The following GRIP1 variants were observed in gnomAD, a reference collection of about 807,000 sequenced individuals.
The protein encoded by GRIP1 is glutamate receptor interacting protein 1, also known as glutamate receptor-interacting protein 1.
Under a neutral mutation model 129.9 loss-of-function variants are expected in GRIP1, and 45 were observed. The ratio of observed to expected loss-of-function variants is 0.35; its 90% CI spans 0.27 to 0.44. The LOEUF is 0.44. GRIP1 is among the 20% of genes least tolerant of loss of function. GRIP1 has a pLI of 1.00. For synonymous variants in GRIP1, 530 were observed against 520.8 expected, an observed-to-expected ratio of 1.02 and a Z score of -0.24; for missense variants, 1,196 against 1,396.8, an observed-to-expected ratio of 0.86 and a Z score of 2.29.
chr12:66,642,337 T>C (rs1265873961), intron 1 of GRIP1, among the ~76,000 whole-genome samples: 4 of 152,114 alleles, frequency 2.6e-5, no homozygotes, highest in South Asian at 4.1e-4. Context: ...GGAGGCACCA[T>C]GTGCCTGGTG....
intron 1 of GRIP1, among the ~76,000 whole-genome samples, chr12:66,615,990 T>C (rs887310787): frequency 1.3e-5 from 2 of 152,196 alleles, no homozygotes; most frequent in Non-Finnish European, 1.5e-5. Flanking sequence ...CATTCAAACG[T>C]AGAAGGCCTT....
chr12:66,593,217 C>T (rs1356543245), intron 2 of GRIP1, among the ~76,000 whole-genome samples: 3 of 152,062 alleles, frequency 2.0e-5, no homozygotes, highest in Non-Finnish European at 4.4e-5. Context: ...CGAAAGCAAA[C>T]GCATTTTGCT....
chr12:66,708,829 G>A (rs961985288), intron 1 of GRIP1, among the ~76,000 whole-genome samples: 1 of 151,314 alleles, frequency 6.6e-6, no homozygotes, highest in Non-Finnish European at 1.5e-5. Context: ...CTTTTTCTTT[G>A]AATGCCCTCA....
At chr12:66,551,508 C>T (rs927329223) in intron 2 of GRIP1, among the ~76,000 whole-genome samples, 1 of 149,968 alleles carries the variant, frequency 6.7e-6, no homozygotes, top group African/African-American at 2.5e-5. Context: ...AATTAATGAG[C>T]TATTTTTGGG....
Position 67,049,910 on chromosome 12 carries a change from T to TAAA in GRIP1, c.58+19137_58+19139dup, listed in dbSNP as rs140624900. 7.5e-3 allele frequency among the ~76,000 whole-genome samples: 1,119 copies of TAAA among 150,184 alleles called. 5 individuals carry two copies. The highest frequency in any genetic ancestry group is 9.8e-3 in the Non-Finnish European group (661 of 67,696). On this transcript the variant is annotated intron_variant, in intron 1 of 1. Coordinates refer to the GRIP1 transcript ENST00000643019. ...ATTTGTCAAATTAATAAATAATTGG[T>TAAA]AAAAAAAAGTTGTTTTGTTTTAATT...
At chr12:66,578,541 G>A (rs1314682527) in intron 2 of GRIP1, among the ~76,000 whole-genome samples, 2 of 152,136 alleles carry the variant, frequency 1.3e-5, no homozygotes, top group Admixed American at 1.3e-4. Flanking sequence ...GGAAAATCGG[G>A]TCACTCCCAC....
At chr12:66,470,241 C>A (rs796891069) in intron 7 of GRIP1, among the ~76,000 whole-genome samples, 10 of 152,304 alleles carry the variant, frequency 6.6e-5, no homozygotes, top group African/African-American at 2.4e-4. Context: ...ACATGGTCTA[C>A]AAGGACCTGC....
chr12:66,479,699 G>A (rs1020987971), intron 7 of GRIP1, among the ~76,000 whole-genome samples: 1 of 152,124 alleles, frequency 6.6e-6, no homozygotes, highest in Admixed American at 6.6e-5. Flanking sequence ...TAATACAGCA[G>A]CACATCAAAA....
chr12:66,703,036 T>C (rs2035404581), intron 1 of GRIP1, among the ~76,000 whole-genome samples: 1 of 152,178 alleles, frequency 6.6e-6, no homozygotes, highest in East Asian at 1.9e-4. Context: ...GTCACTGCAG[T>C]GTTGGGACTT....
intron 5 of GRIP1, among the ~76,000 whole-genome samples, chr12:66,523,184 C>A (rs1005612848): frequency 6.6e-6 from 1 of 151,204 alleles, no homozygotes; most frequent in Non-Finnish European, 1.5e-5. Context: ...GAGAACACCA[C>A]AAAGATACTC....
At chr12:67,067,246 A>G (rs1163714864) in intron 1 of GRIP1, among the ~76,000 whole-genome samples, 1 of 152,190 alleles carries the variant, frequency 6.6e-6, no homozygotes, top group Non-Finnish European at 1.5e-5. Context: ...TCATCTTTCA[A>G]TGTTACCATA....
At chr12:66,528,628 G>T (rs2061343751) in intron 5 of GRIP1, among the ~76,000 whole-genome samples, 1 of 152,140 alleles carries the variant, frequency 6.6e-6, no homozygotes, top group South Asian at 2.1e-4. Flanking sequence ...CTTAATCCTA[G>T]TGTATTAAAT....
intron 1 of GRIP1, among the ~76,000 whole-genome samples, chr12:66,839,575 T>C (rs187402622): frequency 6.6e-6 from 1 of 152,292 alleles, no homozygotes; most frequent in Non-Finnish European, 1.5e-5. Context: ...CTCAGTCAAC[T>C]GAGTTTCGGC....
At chr12:66,504,977 T>C (rs1000356831) in intron 7 of GRIP1, among the ~76,000 whole-genome samples, 3 of 152,168 alleles carry the variant, frequency 2.0e-5, no homozygotes, top group Non-Finnish European at 4.4e-5. Context: ...TGTCTCTTTG[T>C]CTTGATTTTG....
At chr12:66,752,900 T>A (rs2037170944) in intron 1 of GRIP1, among the ~76,000 whole-genome samples, 1 of 152,160 alleles carries the variant, frequency 6.6e-6, no homozygotes, top group Non-Finnish European at 1.5e-5. Flanking sequence ...AATAATAGAA[T>A]AAATATAACA....
intron 1 of GRIP1, among the ~76,000 whole-genome samples, chr12:66,752,100 G>C (rs1042241307): frequency 2.6e-5 from 4 of 152,080 alleles, no homozygotes; most frequent in Non-Finnish European, 4.4e-5. Flanking sequence ...GCTTCTTGTA[G>C]AGAGAAAAGA....
intron 7 of GRIP1, among the ~76,000 whole-genome samples, chr12:66,466,546 C>G (rs138700088): frequency 6.6e-6 from 1 of 152,246 alleles, no homozygotes; most frequent in Non-Finnish European, 1.5e-5. Flanking sequence ...GTATCTAAGA[C>G]AAGACTAGTT....
chr12:67,015,083 T>A (rs1180024304), intron 1 of GRIP1, among the ~76,000 whole-genome samples: 1 of 152,132 alleles, frequency 6.6e-6, no homozygotes, highest in African/African-American at 2.4e-5. Flanking sequence ...TAAGACACTA[T>A]GACTTTTTGA....
chr12:66,646,143 T>A (rs2032346159), intron 1 of GRIP1, among the ~76,000 whole-genome samples: 1 of 152,204 alleles, frequency 6.6e-6, no homozygotes, highest in African/African-American at 2.4e-5. Flanking sequence ...TTCAGTTAAG[T>A]AGGAATGGAT....
Sources: allele counts gnomAD v4.1 joint callset (sites outside exome capture counted in the v4.1 genomes callset), GRCh38; gene constraint gnomAD v4.1.1; transcripts MANE v1.5; gene names NCBI Gene and HGNC (gene_info 2026-07-23, HGNC 2026-07-21).